ATG16L1: variants seen among roughly 807,000 people sequenced by gnomAD.
ATG16L1 encodes the protein autophagy related 16 like 1.
ATG16L1 carries 37 observed loss-of-function variants against 88.5 expected under a neutral mutation model. The ratio of observed to expected loss-of-function variants is 0.42; its 90% confidence interval spans 0.32 to 0.55. ATG16L1 has a LOEUF of 0.55. Ranked by LOEUF, ATG16L1 falls within the 20% of genes least tolerant of loss-of-function variation. The probability of loss-of-function intolerance (pLI) is 0.13; values close to 1 mark genes in which losing one functional copy is unlikely to be tolerated. For missense variants in ATG16L1, 554 were observed against 752.8 expected (o/e 0.74, Z 3.09); for synonymous variants, 301 against 281.0 (o/e 1.07, Z -0.71).
chr2:233,261,670 TGAGAGGA>T (rs375491693), intron 2 of ATG16L1, among the ~76,000 whole-genome samples: 66,144 of 151,770 alleles, frequency 0.44, 15,044 homozygotes, highest in Non-Finnish European at 0.52. Flanking sequence ...GGATGTTGGA[TGAGAGGA>T]ACAAGTGTCC....
intron 2 of ATG16L1, among the ~76,000 whole-genome samples, chr2:233,261,512 G>A (rs1697211021): frequency 6.6e-6 from 1 of 152,164 alleles, no homozygotes; most frequent in Non-Finnish European, 1.5e-5. Flanking sequence ...GAAGTGCCAG[G>A]TTGCCTCAAG....
At chr2:233,255,940 C>T (rs942960852) in intron 1 of ATG16L1, among the ~76,000 whole-genome samples, 162 bp from the exon 2 acceptor site, 2 of 152,128 alleles carry the variant, frequency 1.3e-5, no homozygotes, top group African/African-American at 4.8e-5. Flanking sequence ...TTTCAGCTCC[C>T]TTTAATAGGG....
At chr2:233,293,479 G>A (rs577640000) in intron 17 of ATG16L1, 122 bp downstream of exon 17, 16 of 866,946 alleles carry the variant, frequency 1.8e-5, no homozygotes, top group South Asian at 6.1e-5. Flanking sequence ...CCACCTGCTC[G>A]GCTGGCTGAG....
Position 233,282,761 on chromosome 2 carries a change from C to T in ATG16L1, c.1203+8C>T, listed in dbSNP as rs201233233. ...GATGATTATCGATTACGGGTAAGAC[C>T]CAGTTAAGAAAGTTAGTGCAATCTC... On this transcript the variant is annotated splice_region_variant and intron_variant, in intron 12 of 17. Coordinates refer to ENST00000392017, the MANE Select transcript of ATG16L1 (RefSeq NM_030803.7). The T allele has an allele frequency of 1.5e-4, 249 of 1,613,134 alleles. No individual in the cohort carries two copies. The highest frequency in any genetic ancestry group is 2.0e-4 in the Non-Finnish European group (236 of 1,179,234).
At chr2:233,269,869 AT>A in intron 5 of ATG16L1, 132 bp from the exon 6 acceptor site, 1 of 776,106 alleles carries the variant, frequency 1.3e-6, no homozygotes, top group Non-Finnish European at 1.9e-6. Context: ...ACTTTTGAGT[AT>A]TTTGCTCAGG....
At chr2:233,255,691 AC>A in intron 1 of ATG16L1, among the ~76,000 whole-genome samples, 1 of 152,354 alleles carries the variant, frequency 6.6e-6, no homozygotes, top group Non-Finnish European at 1.5e-5. Flanking sequence ...AAAAATGAGT[AC>A]AGAGTGTATT....
intron 2 of ATG16L1, 122 bp from the exon 3 acceptor site, chr2:233,263,008 T>C: frequency 1.2e-6 from 1 of 843,320 alleles, no homozygotes; most frequent in Admixed American, 2.1e-5. Context: ...GAATGGTTTA[T>C]TGGCTTTGTG....
intron 2 of ATG16L1, among the ~76,000 whole-genome samples, chr2:233,260,478 C>G (rs917939793): frequency 6.6e-6 from 1 of 152,196 alleles, no homozygotes; most frequent in African/African-American, 2.4e-5. Flanking sequence ...CAGCAACATT[C>G]CCATCACCAG....
Position 233,264,039 on chromosome 2 carries a change from C to G in ATG16L1, c.363C>G (p.Asp121Glu), listed in dbSNP as rs903406340. 13 of 1,614,078 alleles carry G rather than the reference C, an allele frequency of 8.1e-6. No homozygotes were observed. The highest frequency in any genetic ancestry group is 1.3e-5 in the African/African-American group (1 of 75,042). Residue 121 changes from aspartate (D) to glutamate (E), a missense_variant, in exon 4 of 18, where the codon GAC (aspartate) becomes GAG (glutamate). Around this residue, in one of 5 missense-constraint regions of ATG16L1, gnomAD observed 50 missense variants for 49.4 expected, o/e 1.01. Transcript: ENST00000392017. Reference sequence around the variant, plus strand: ...TGAATAACCAAATGCAGCGGAAGGACAGGGAGATGCAGATGAATGAAGCAA... The same window carrying G: ...TGAATAACCAAATGCAGCGGAAGGAGAGGGAGATGCAGATGAATGAAGCAA... Reference protein sequence around the residue: ...IDLNNQMQRKDREMQMNEAKI... With the variant: ...IDLNNQMQRKEREMQMNEAKI...
At position 233,270,055 on chromosome 2, in the gene ATG16L1, T is replaced by C; in HGVS notation, c.695T>C (p.Leu232Pro). ...CTTGCAGAAGCAGCAAAGGAACCTC[T>C]ACCAGTCGAACAGTAAGTAAAGATA... ...KELAEAAKEP[L>P]PVEQDDDIEV... Residue 232 changes from leucine to proline, a missense_variant, in exon 6 of 18, where the codon CTA (leucine) becomes CCA (proline). By Grantham distance (98) the Leu-to-Pro change is moderately conservative. This residue lies in a region of ATG16L1 where 370 missense variants were observed against 509.7 expected (regional missense o/e 0.73). Transcript: ENST00000392017. 6.3e-7 allele frequency: 1 copy of C among 1,590,774 alleles called. No individual in the cohort carries two copies. The highest frequency in any genetic ancestry group is 8.5e-7 in the Non-Finnish European group (1 of 1,171,538).
rs990777632 is a variant in ATG16L1, at chr2:233,273,789, G to A, written c.851+12G>A. On this transcript the variant is annotated intron_variant, in intron 8 of 17. Transcript: ENST00000392017. ...ACTAATATCTTTGGGTAGGTTAGAA[G>A]ACCTTTCCTTTTTAAATGTGTATAA... The A allele has an allele frequency of 6.2e-7, 1 of 1,613,182 alleles. No individual in the cohort carries two copies. Among genetic ancestry groups the A allele is most frequent in the Non-Finnish European group, 8.5e-7 (1 of 1,179,268 alleles).
intron 5 of ATG16L1, among the ~76,000 whole-genome samples, chr2:233,269,410 T>A (rs554556686): frequency 6.6e-6 from 1 of 152,224 alleles, no homozygotes; most frequent in East Asian, 1.9e-4. Flanking sequence ...TCCACAATGC[T>A]CCAGAATCTG....
chr2:233,287,056 T>C (rs1395901619), intron 12 of ATG16L1, among the ~76,000 whole-genome samples: 1 of 152,186 alleles, frequency 6.6e-6, no homozygotes, highest in Non-Finnish European at 1.5e-5. Flanking sequence ...AGCTGTGTGC[T>C]CATAGATGTT....
intron 6 of ATG16L1, 62 bp downstream of exon 6, chr2:233,270,129 G>T: frequency 3.4e-6 from 5 of 1,465,468 alleles, no homozygotes; most frequent in Non-Finnish European, 4.6e-6. Context: ...TAAAAGTTTT[G>T]TTTTTATTTT....
At chr2:233,271,799 T>C (rs374991868) in intron 6 of ATG16L1, among the ~76,000 whole-genome samples, 2 of 152,380 alleles carry the variant, frequency 1.3e-5, no homozygotes, top group South Asian at 4.1e-4. Context: ...TTCTCCTCTC[T>C]TCCTTGTATG....
At chr2:233,289,751 G>T (rs1699334269) in intron 12 of ATG16L1, 103 bp from the exon 13 acceptor site, 1 of 1,478,762 alleles carries the variant, frequency 6.8e-7, no homozygotes. Flanking sequence ...TCTCAGGGTG[G>T]TCTGACACTC....
At position 233,295,254 on chromosome 2, in the gene ATG16L1, A is replaced by G. The variant is rs1292806088; in HGVS notation, c.*904A>G. On this transcript the variant is annotated 3_prime_UTR_variant, in exon 18 of 18. Coordinates refer to ENST00000392017, the MANE Select transcript of ATG16L1 (RefSeq NM_030803.7). The stretch of plus-strand genomic sequence containing the variant: ...GCAAGAAGCCTAGGCTCAGAAGCAC[A>G]GCAGCGCCATCTTTCCGTTTCAGGG... 1 of 152,822 alleles carries G rather than the reference A, an allele frequency of 6.5e-6. No individual in the cohort carries two copies. The highest frequency in any genetic ancestry group is 1.5e-5 in the Non-Finnish European group (1 of 68,046). 9.5% of individuals were successfully genotyped at this position (152,822 alleles called of 1,614,324 possible). A position where few individuals can be genotyped will look rare whatever the true frequency, so the allele number is the denominator to read the frequency against.
chr2:233,283,513 A>G (rs948422046), intron 12 of ATG16L1, among the ~76,000 whole-genome samples: 5 of 151,724 alleles, frequency 3.3e-5, no homozygotes, highest in Admixed American at 1.3e-4. Flanking sequence ...GTGTGTGTCA[A>G]CCCACACCAA....
At chr2:233,259,835 C>G (rs1263974590) in intron 2 of ATG16L1, among the ~76,000 whole-genome samples, 1 of 152,162 alleles carries the variant, frequency 6.6e-6, no homozygotes, top group Non-Finnish European at 1.5e-5. Context: ...TAGCCTCTTG[C>G]ATCCTTTGGT....
Sources: allele counts gnomAD v4.1 joint callset (sites outside exome capture counted in the v4.1 genomes callset), GRCh38; gene constraint gnomAD v4.1.1; regional missense constraint gnomAD v4.1.1; transcripts MANE v1.5; gene names NCBI Gene and HGNC (gene_info 2026-07-23, HGNC 2026-07-21).